Variants in GTF3C1 observed in about 807,000 individuals in gnomAD.
GTF3C1 encodes general transcription factor 3C polypeptide 1.
Under a neutral mutation model 226.7 loss-of-function variants are expected in GTF3C1, and 57 were observed. The ratio of observed to expected loss-of-function variants is 0.25; its 90% CI spans 0.20 to 0.31. The LOEUF is 0.31. Ranked by LOEUF, GTF3C1 falls within the 10% of genes least tolerant of loss-of-function variation. GTF3C1 has a pLI of 1.00. For missense variants in GTF3C1, 2,217 were observed against 2,776.1 expected (o/e 0.80, Z 4.53); for synonymous variants, 1,090 against 1,084.8 (o/e 1.00, Z -0.09).
rs912495634 is a variant in GTF3C1 at position 27,492,928 on chromosome 16, T to C, written c.2877-215A>G. On this transcript the variant is annotated intron_variant, in intron 17 of 36. Coordinates refer to ENST00000356183, the MANE Select transcript of GTF3C1 (RefSeq NM_001520.4). The surrounding 1 kb of genome is among the most constrained non-coding windows in gnomAD (Gnocchi z 5.0). Reference sequence around the variant, plus strand: ...AGAGATCAACCCGACACTAGGGATTTGATTTGGAAAGTAAAAGTAATGAAA... The same window carrying C: ...AGAGATCAACCCGACACTAGGGATTCGATTTGGAAAGTAAAAGTAATGAAA... 6.6e-6 allele frequency among the ~76,000 whole-genome samples: 1 copy of C among 152,142 alleles called. No homozygotes were observed. The highest frequency in any genetic ancestry group is 6.5e-5 in the Admixed American group (1 of 15,274).
chr16:27,488,137 G>T, intron 23 of GTF3C1, 90 bp downstream of exon 23: 1 of 1,130,194 alleles, frequency 8.8e-7, no homozygotes, highest in Non-Finnish European at 1.3e-6. Context: ...CTGAAGGGCA[G>T]AGCTCAGGCC....
chr16:27,492,710 A>C lies in GTF3C1; in HGVS notation c.2880T>G (p.Arg960=). 1 of 1,563,508 alleles carries C rather than the reference A, an allele frequency of 6.4e-7. No individual in the cohort carries two copies. Among genetic ancestry groups the C allele is most frequent in the Middle Eastern group, 1.7e-4 (1 of 5,934 alleles). The change falls in exon 18 of 37, where the codon CGT becomes CGG. Residue 960 remains arginine (R), a synonymous_variant. Transcript: ENST00000356183. The surrounding 1 kb of genome is among the most constrained non-coding windows in gnomAD (Gnocchi z 5.0). ...GGTTCTCCACCACCGAAAAAATGTAACGCCTAGAAAACAGAGGGGGCGGGA... is the reference window on the plus strand; with the variant it reads ...GGTTCTCCACCACCGAAAAAATGTACCGCCTAGAAAACAGAGGGGGCGGGA... ...PIRQQLLYKR[R]YIFSVVENLQ... is the part of the protein sequence containing the mutation.
chr16:27,521,010 C>T (rs533957919), intron 6 of GTF3C1, among the ~76,000 whole-genome samples: 7 of 152,322 alleles, frequency 4.6e-5, no homozygotes, highest in South Asian at 4.1e-4. Flanking sequence ...TAAGCCACAG[C>T]GCCCAGCCTC....
chr16:27,538,346 T>G lies in GTF3C1; in HGVS notation c.442A>C (p.Lys148Gln). The G allele has an allele frequency of 1.3e-6, 2 of 1,535,388 alleles. No individual in the cohort carries two copies. Among genetic ancestry groups the G allele is most frequent in the Non-Finnish European group, 1.8e-6 (2 of 1,140,064 alleles). ...MVEAFDRWGK[K>Q]LIIVASQAMR... ...GCCTGGGAGGCAACGATGATCAGTTTCTTCCCCCACCTGCAAATCGGAAAC... is the reference window on the plus strand; with the variant it reads ...GCCTGGGAGGCAACGATGATCAGTTGCTTCCCCCACCTGCAAATCGGAAAC... The change falls in exon 3 of 37, where the codon AAA becomes CAA. Residue 148 changes from lysine to glutamine, a missense_variant. Lys to Gln is a moderately conservative substitution (Grantham distance 53). Around this residue, in one of 12 missense-constraint regions of GTF3C1, gnomAD observed 192 missense variants for 251.8 expected, o/e 0.76. Coordinates refer to ENST00000356183, the MANE Select transcript of GTF3C1 (RefSeq NM_001520.4).
rs759518122 is a variant in GTF3C1, at chr16:27,549,722, T to C, written c.169A>G (p.Ile57Val). The C allele has an allele frequency of 1.2e-6, 2 of 1,610,386 alleles. No individual in the cohort carries two copies. The highest frequency in any genetic ancestry group is 1.7e-6 in the Non-Finnish European group (2 of 1,179,266). Residue 57 changes from isoleucine to valine, a missense_variant, in exon 1 of 37, where the codon ATC (isoleucine) becomes GTC (valine). Transcript: ENST00000356183. ...LWRALATHPGISFYEEPRERP... is the reference protein window; with the variant it reads ...LWRALATHPGVSFYEEPRERP... ...TCCCGAGGCTCCTCATAGAAGCTGA[T>C]GCCCGGGTGCGTGGCGAGGGCCCGC...
rs143943088 is a variant in GTF3C1, at chr16:27,529,271, C to T, written c.850-550G>A. Among the ~76,000 whole-genome samples the T allele has an allele frequency of 3.2e-4, 49 of 152,104 alleles. 1 individual carries two copies. The highest frequency in any genetic ancestry group is 8.7e-4 in the African/African-American group (36 of 41,486). ...CAGCCTGGCCAACATGGCGAAACCC[C>T]GTCACTACTAAAAATACAAACATTA... On this transcript the variant is annotated intron_variant, in intron 5 of 36. Transcript: ENST00000356183.
At chr16:27,530,584 C>T (rs565438157) in intron 5 of GTF3C1, among the ~76,000 whole-genome samples, 1 of 152,212 alleles carries the variant, frequency 6.6e-6, no homozygotes, top group East Asian at 1.9e-4. Context: ...GCTCAGCTCT[C>T]TGTGACCCCA....
rs144914057 is a variant in GTF3C1 at position 27,527,059 on chromosome 16, T to A, written c.973+1539A>T. Among the ~76,000 whole-genome samples the A allele has an allele frequency of 3.3e-5, 5 of 152,226 alleles. No individual in the cohort carries two copies. The East Asian group carries it at 9.7e-4, about 29-fold the overall frequency. On this transcript the variant is annotated intron_variant, in intron 6 of 36. Transcript: ENST00000356183. ...GTCTCTACTGAAAATAAAAAGAAATTAGCCCAGCATGGTAGGGTTTGCCTG... is the reference window on the plus strand; with the variant it reads ...GTCTCTACTGAAAATAAAAAGAAATAAGCCCAGCATGGTAGGGTTTGCCTG...
intron 20 of GTF3C1, 114 bp downstream of exon 20, chr16:27,489,488 G>T: frequency 1.3e-6 from 1 of 778,866 alleles, no homozygotes; most frequent in Non-Finnish European, 2.1e-6. Flanking sequence ...CCTCTGCACC[G>T]GAGACACAGG....
Position 27,464,444 on chromosome 16 carries a change from A to G in GTF3C1, c.5748T>C (p.Leu1916=), listed in dbSNP as rs1373288141. ...CTGCTCCCGCTGCAGCGGTGTCTTC[A>G]AGAGCTGGGGGTGGAGATGGGGCCT... is the stretch of plus-strand genomic sequence containing the variant. ...EAQAPSPPPA[L]EDTAAAGAAQ... is the part of the protein sequence containing the mutation. Residue 1916 remains leucine, a synonymous_variant, in exon 34 of 37, where the codon CTT becomes CTC. Transcript: ENST00000356183. The G allele has an allele frequency of 1.2e-6, 2 of 1,601,710 alleles. No individual in the cohort carries two copies. The highest frequency in any genetic ancestry group is 1.7e-6 in the Non-Finnish European group (2 of 1,174,240).
chr16:27,543,321 G>A (rs1390400763), intron 2 of GTF3C1, among the ~76,000 whole-genome samples: 1 of 152,186 alleles, frequency 6.6e-6, no homozygotes, highest in Non-Finnish European at 1.5e-5. Context: ...GAGAGGCGGA[G>A]GTTGCAGTAA....
At chr16:27,506,818 AG>A in intron 9 of GTF3C1, 28 bp downstream of exon 9, 1 of 1,538,968 alleles carries the variant, frequency 6.5e-7, no homozygotes, top group South Asian at 1.2e-5. Context: ...CAGTGCACGC[AG>A]CCCCTGCCCA....
chr16:27,493,412 GGCTCTCCTTCCT>G lies in GTF3C1; in HGVS notation c.2779-128_2779-117del. On this transcript the variant is annotated intron_variant, in intron 16 of 36. Transcript: ENST00000356183. ...ATAGTCTCCCTGAACCTGCCCACTG[GGCTCTCCTTCCT>G]GCCCCACCAAGTGCCCCTGCATCTC... 6 of 658,934 alleles carry G rather than the reference GGCTCTCCTTCCT, an allele frequency of 9.1e-6. No homozygotes were observed. The South Asian group carries it at 9.7e-5, about 11-fold the overall frequency. The allele number at this position is 658,934 out of a possible 1,614,324, so 40.8% of individuals were successfully genotyped here.
intron 1 of GTF3C1, among the ~76,000 whole-genome samples, chr16:27,547,155 C>T (rs2089177341): frequency 6.6e-6 from 1 of 152,148 alleles, no homozygotes. Flanking sequence ...TTGAAAGTCC[C>T]TCACCCTCCA....
Position 27,470,350 on chromosome 16 carries a change from G to T in GTF3C1, c.4572C>A (p.Phe1524Leu). 6.2e-7 allele frequency: 1 copy of T among 1,614,072 alleles called. No individual in the cohort carries two copies. The highest frequency in any genetic ancestry group is 1.3e-5 in the African/African-American group (1 of 75,052). The change falls in exon 31 of 37, where the codon TTC (phenylalanine) becomes TTA (leucine). Residue 1524 changes from phenylalanine to leucine, a missense_variant. Around this residue, in one of 12 missense-constraint regions of GTF3C1, gnomAD observed 546 missense variants for 663.0 expected, o/e 0.82. Transcript: ENST00000356183. This position sits in a 1 kb window ranked among gnomAD's most constrained non-coding sequence, Gnocchi z 4.9. ...CAGCCCGCATTCTGTCCAAAAACTG[G>T]AATGACTCCGTGCAGATGGTGCTTG... ...RFPSTICTES[F>L]QFLDRMRAAG...
At chr16:27,484,736 G>A (rs181357696) in intron 24 of GTF3C1, among the ~76,000 whole-genome samples, 4 of 152,318 alleles carry the variant, frequency 2.6e-5, no homozygotes, top group East Asian at 3.9e-4. Flanking sequence ...GCTCAGAAAC[G>A]TTCTGTATGT....
rs1369226626 is a variant in GTF3C1, at chr16:27,549,770, G to A, written c.121C>T (p.Pro41Ser). Reference protein sequence around the residue: ...RVPPFPLPLEPCTQEFLWRAL... With the variant: ...RVPPFPLPLESCTQEFLWRAL... ...CGCCAGAGAAACTCCTGCGTGCAGG[G>A]TTCCAAAGGCAGCGGGAAGGGCGGC... The change falls in exon 1 of 37, where the codon CCC (proline) becomes TCC (serine). Residue 41 changes from proline (P) to serine (S), a missense_variant. Transcript: ENST00000356183. The A allele has an allele frequency of 1.2e-6, 2 of 1,612,900 alleles. No homozygotes were observed. The highest frequency in any genetic ancestry group is 2.2e-5 in the East Asian group (1 of 44,876).
chr16:27,526,512 T>A (rs1009389470), intron 6 of GTF3C1, among the ~76,000 whole-genome samples: 1 of 152,204 alleles, frequency 6.6e-6, no homozygotes, highest in Non-Finnish European at 1.5e-5. Flanking sequence ...CATTAACCAA[T>A]TCTCTTGTTT....
In GTF3C1 at chr16:27,495,458, G is replaced by A; in HGVS notation, c.2385C>T (p.Pro795=). The change falls in exon 15 of 37, where the codon CCC becomes CCT. Residue 795 remains proline (P), a synonymous_variant. Transcript: ENST00000356183. The stretch of plus-strand genomic sequence containing the variant: ...GGACCACCCGCAGGCGAGGCATTTT[G>A]GGCAGAAATCCTAGAGAACGCCCCA... ...PGLGRSLGFL[P]KMPRLRVVHM... 1 of 1,613,940 alleles carries A rather than the reference G, an allele frequency of 6.2e-7. No individual in the cohort carries two copies. The highest frequency in any genetic ancestry group is 8.5e-7 in the Non-Finnish European group (1 of 1,179,928).
Sources: allele counts gnomAD v4.1 joint callset (sites outside exome capture counted in the v4.1 genomes callset), GRCh38; gene constraint gnomAD v4.1.1; regional missense constraint gnomAD v4.1.1; non-coding constraint Gnocchi (gnomAD v3.1); transcripts MANE v1.5; gene names NCBI Gene and HGNC (gene_info 2026-07-23, HGNC 2026-07-21).